The following GRK4 variants were observed in gnomAD, a reference collection of about 807,000 sequenced individuals.
The protein encoded by GRK4 is G protein-coupled receptor kinase 2-like.
Under a neutral mutation model 77.9 loss-of-function variants are expected in GRK4, and 73 were observed. The ratio of observed to expected loss-of-function variants is 0.94; its 90% CI spans 0.78 to 1.14. GRK4 has a LOEUF of 1.14. Among genes scored for constraint, GRK4 ranks in the 50% most tolerant of loss-of-function variants. GRK4 has a pLI of 0.00. For synonymous variants in GRK4, 257 were observed against 254.4 expected (o/e 1.01, Z -0.10); for missense variants, 729 against 700.2 (o/e 1.04, Z -0.46).
chr4:2,984,453 T>C (rs1723684025), intron 1 of GRK4, 60 bp from the exon 2 acceptor site: 2 of 895,708 alleles, frequency 2.2e-6, no homozygotes, highest in African/African-American at 1.6e-5. Context: ...GTGGAAGTAG[T>C]TGTTATAATT....
chr4:3,037,561 A>G (rs768784757), intron 14 of GRK4, 50 bp downstream of exon 14: 298 of 1,553,780 alleles, frequency 1.9e-4, no homozygotes, highest in Non-Finnish European at 2.6e-4. Flanking sequence ...ACAGTGACCC[A>G]GGGAAAAGGG....
chr4:2,972,118 C>A (rs1719738339), intron 1 of GRK4, among the ~76,000 whole-genome samples: 1 of 152,154 alleles, frequency 6.6e-6, no homozygotes, highest in East Asian at 1.9e-4. Context: ...TAGAGGGGAT[C>A]CTTGGGCCTT....
intron 8 of GRK4, among the ~76,000 whole-genome samples, chr4:3,016,251 C>T (rs1305460109): frequency 1.3e-5 from 2 of 150,240 alleles, no homozygotes; most frequent in African/African-American, 4.9e-5. Context: ...CACTGTGGCT[C>T]ACGCCCTGTA....
intron 2 of GRK4, chr4:2,985,686 C>G: frequency 3.7e-6 from 1 of 269,238 alleles, no homozygotes; most frequent in Admixed American, 5.1e-5. Context: ...GCTACAGGTC[C>G]TAACATGAGC....
In GRK4 at chr4:3,028,018, C is replaced by T. The variant is rs780978301; in HGVS notation, c.1060+17C>T. 15 of 1,610,432 alleles carry T rather than the reference C, an allele frequency of 9.3e-6. No homozygotes were observed. The highest frequency in any genetic ancestry group is 5.3e-5 in the African/African-American group (4 of 74,844). ...GCTACATGGGTTCGTGAGAGGCTTT[C>T]GGCGTCCTTGTCCTTTCTATCCGGG... On this transcript the variant is annotated intron_variant, in intron 11 of 15. Coordinates refer to ENST00000398052, the MANE Select transcript of GRK4 (RefSeq NM_182982.3).
In GRK4 at chr4:3,015,717, T is replaced by C. The variant is rs150833629; in HGVS notation, c.741+1889T>C. On this transcript the variant is annotated intron_variant, in intron 8 of 15. Coordinates refer to ENST00000398052, the MANE Select transcript of GRK4 (RefSeq NM_182982.3). Reference sequence around the variant, plus strand: ...TAGCACAGTGTGTGTATATGATATGTCACTCTCATGTGCAATTACTTGAAA... The same window carrying C: ...TAGCACAGTGTGTGTATATGATATGCCACTCTCATGTGCAATTACTTGAAA... Among the ~76,000 whole-genome samples the C allele has an allele frequency of 9.2e-3, 1,398 of 151,542 alleles. 23 individuals are homozygous for C. Among genetic ancestry groups the C allele is most frequent in the African/African-American group, 0.031 (1,297 of 41,202 alleles).
intron 10 of GRK4, among the ~76,000 whole-genome samples, chr4:3,024,804 G>A (rs1736993930): frequency 6.6e-6 from 1 of 152,182 alleles, no homozygotes; most frequent in East Asian, 1.9e-4. Context: ...GTTGCAGTGA[G>A]CCGAGATTGC....
At chr4:3,040,541 G>T (rs368017713) in intron 15 of GRK4, 31 bp from the exon 16 acceptor site, 25 of 1,593,498 alleles carry the variant, frequency 1.6e-5, no homozygotes, top group Middle Eastern at 1.7e-4. Flanking sequence ...CGCATCAGCC[G>T]TGTGCCTGAG....
intron 7 of GRK4, among the ~76,000 whole-genome samples, chr4:3,010,204 AGG>A (rs1474109755): frequency 1.3e-5 from 2 of 151,372 alleles, no homozygotes; most frequent in Non-Finnish European, 2.9e-5. Context: ...CAGACTCACG[AGG>A]GGTGTTTTTT....
intron 9 of GRK4, among the ~76,000 whole-genome samples, chr4:3,021,392 G>C (rs1433437791): frequency 6.6e-6 from 1 of 152,178 alleles, no homozygotes; most frequent in Non-Finnish European, 1.5e-5. Context: ...TCCCCGTGTT[G>C]TCTGCTCAGA....
At chr4:2,969,811 G>A (rs1343684816) in intron 1 of GRK4, among the ~76,000 whole-genome samples, 55 of 152,090 alleles carry the variant, frequency 3.6e-4, no homozygotes, top group Non-Finnish European at 5.9e-5. Flanking sequence ...CCAAGTGGCT[G>A]GGACCACAGG....
chr4:3,012,266 C>T (rs6837436), intron 7 of GRK4, among the ~76,000 whole-genome samples: 10,297 of 152,112 alleles, frequency 0.068, 663 homozygotes, highest in African/African-American at 0.17. Flanking sequence ...AAACATTTCA[C>T]GATAGGAAAA....
At position 2,965,532 on chromosome 4, in the gene GRK4, G is replaced by C. The variant is rs575923604; in HGVS notation, c.52+1410G>C. ...AATGCCGACTGAAGATGCCACAGCA[G>C]CCGGCGATGCATATTTAAAGGACAG... On this transcript the variant is annotated intron_variant, in intron 1 of 15. Coordinates refer to ENST00000398052, the MANE Select transcript of GRK4 (RefSeq NM_182982.3). The C allele has an allele frequency of 8.5e-5, 59 of 692,206 alleles. No individual in the cohort carries two copies. In the South Asian group the frequency reaches 8.6e-4, roughly 10 times the overall value. 42.9% of individuals were successfully genotyped at this position (692,206 alleles called of 1,614,324 possible).
At position 3,035,471 on chromosome 4, in the gene GRK4, T is replaced by C. The variant is rs1740342922; in HGVS notation, c.1355T>C (p.Ile452Thr). 5 of 1,613,964 alleles carry C rather than the reference T, an allele frequency of 3.1e-6. No homozygotes were observed. The highest frequency in any genetic ancestry group is 4.2e-6 in the Non-Finnish European group (5 of 1,179,964). ...AAGCAGCACCCCGTGTTCAAGGACA[T>C]CAACTTCAGGAGGCTGGAGGCAAAC... Reference protein sequence around the residue: ...GVKQHPVFKDINFRRLEANML... With the variant: ...GVKQHPVFKDTNFRRLEANML... The change falls in exon 13 of 16, where the codon ATC becomes ACC. Residue 452 changes from isoleucine to threonine, a missense_variant. By Grantham distance (89) the Ile-to-Thr change is moderately conservative. Coordinates refer to ENST00000398052, the MANE Select transcript of GRK4 (RefSeq NM_182982.3).
intron 1 of GRK4, among the ~76,000 whole-genome samples, chr4:2,972,301 G>A (rs942192459): frequency 3.9e-5 from 6 of 151,994 alleles, no homozygotes. Flanking sequence ...ATGGCCCCAC[G>A]ACTCATCATG....
At chr4:2,979,826 A>C (rs2185888) in intron 1 of GRK4, among the ~76,000 whole-genome samples, 58,450 of 152,076 alleles carry the variant, frequency 0.38, 12,007 homozygotes, top group African/African-American at 0.51. Context: ...CTGCAGTGAG[A>C]CTTGCATTCT....
chr4:2,994,519 C>G (rs556264299), intron 4 of GRK4, among the ~76,000 whole-genome samples: 35 of 152,262 alleles, frequency 2.3e-4, no homozygotes, highest in Middle Eastern at 3.4e-3. Flanking sequence ...CTCCATTTAT[C>G]TAGTTATTAT....
At position 3,037,431 on chromosome 4, in the gene GRK4, G is replaced by A. The variant is rs778721346; in HGVS notation, c.1465G>A (p.Gly489Arg). The A allele has an allele frequency of 7.5e-5, 121 of 1,610,410 alleles. No homozygotes were observed. The highest frequency in any genetic ancestry group is 9.0e-5 in the Non-Finnish European group (106 of 1,177,352). Residue 489 changes from glycine to arginine, a missense_variant, in exon 14 of 16, where the codon GGG becomes AGG. Coordinates refer to ENST00000398052, the MANE Select transcript of GRK4 (RefSeq NM_182982.3). ...TATCGAGCAGTTCTCGGTGGTGAAA[G>A]GGATCTACCTGGACACCGCAGATGA... ...LDIEQFSVVK[G>R]IYLDTADEDF... is the part of the protein sequence containing the mutation.
chr4:2,963,797 C>G lies in GRK4; in HGVS notation c.-274C>G. The G allele has an allele frequency of 1.9e-6, 1 of 525,612 alleles. No homozygotes were observed. The highest frequency in any genetic ancestry group is 3.3e-6 in the Non-Finnish European group (1 of 300,268). The allele number at this position is 525,612 out of a possible 1,614,324, so 32.6% of individuals were successfully genotyped here. A position where few individuals can be genotyped will look rare whatever the true frequency, so the allele number is the denominator to read the frequency against. On this transcript the variant is annotated 5_prime_UTR_variant, in exon 1 of 16. Coordinates refer to ENST00000398052, the MANE Select transcript of GRK4 (RefSeq NM_182982.3). ...GGGCCAAGAAGAACCGGGGCGATAGCGCGGCAGCGGTGACAGCTGGGACCC... is the reference window on the plus strand; with the variant it reads ...GGGCCAAGAAGAACCGGGGCGATAGGGCGGCAGCGGTGACAGCTGGGACCC...
Sources: allele counts gnomAD v4.1 joint callset (sites outside exome capture counted in the v4.1 genomes callset), GRCh38; gene constraint gnomAD v4.1.1; transcripts MANE v1.5; gene names NCBI Gene and HGNC (gene_info 2026-07-23, HGNC 2026-07-21).